The following KDM2A variants were observed in gnomAD, a reference collection of about 807,000 sequenced individuals.
KDM2A encodes lysine-specific demethylase 2A.
KDM2A carries 3 observed loss-of-function variants against 137.3 expected under a neutral mutation model. The observed-to-expected ratio is 0.02, with a 90% CI of 0.01 to 0.06. KDM2A has a LOEUF of 0.06. KDM2A is among the 10% of genes least tolerant of loss of function. The pLI is 1.00. For synonymous variants in KDM2A, 512 were observed against 541.5 expected (o/e 0.95, Z 0.76); for missense variants, 738 against 1,510.6 (o/e 0.49, Z 8.48).
chr11:67,249,948 C>G, intron 16 of KDM2A, 138 bp from the exon 17 acceptor site: 3 of 688,622 alleles, frequency 4.4e-6, no homozygotes, highest in South Asian at 4.0e-5. Flanking sequence ...CCTGGGCCGA[C>G]TCTGAGGGAA....
intron 2 of KDM2A, among the ~76,000 whole-genome samples, chr11:67,157,552 C>G (rs1718456153): frequency 6.6e-6 from 1 of 151,686 alleles, no homozygotes; most frequent in Non-Finnish European, 1.5e-5. Context: ...CAAGACCAGC[C>G]TGGCCAACAT....
At chr11:67,214,646 T>G (rs1387540483) in intron 6 of KDM2A, among the ~76,000 whole-genome samples, 1 of 152,126 alleles carries the variant, frequency 6.6e-6, no homozygotes, top group Non-Finnish European at 1.5e-5. Flanking sequence ...AACTATTTTT[T>G]TATTTTGAAG....
At chr11:67,211,118 A>G (rs960261125) in intron 6 of KDM2A, among the ~76,000 whole-genome samples, 1 of 152,092 alleles carries the variant, frequency 6.6e-6, no homozygotes, top group African/African-American at 2.4e-5. Context: ...TGCTGTTTCT[A>G]TTGGTAGAAT....
chr11:67,183,071 AG>A (rs998868799), intron 5 of KDM2A, among the ~76,000 whole-genome samples: 48 of 152,204 alleles, frequency 3.2e-4, no homozygotes, highest in Non-Finnish European at 1.5e-4. Flanking sequence ...TCCCAGGTAG[AG>A]GAAAGTTCCC....
At position 67,255,431 on chromosome 11, in the gene KDM2A, G is replaced by A. The variant is rs1294851156; in HGVS notation, c.*376G>A. 4.3e-6 allele frequency: 2 copies of A among 466,236 alleles called. No individual in the cohort carries two copies. Among genetic ancestry groups the A allele is most frequent in the East Asian group, 1.3e-4 (2 of 15,246 alleles). The allele number at this position is 466,236 out of a possible 1,614,324, so 28.9% of individuals were successfully genotyped here. On this transcript the variant is annotated 3_prime_UTR_variant, in exon 21 of 21. Coordinates refer to ENST00000529006, the MANE Select transcript of KDM2A (RefSeq NM_012308.3). ...CCATCCATGGTCCCCAGCAGTGCCT[G>A]GTTCTGAGCAAACTCCCAGGGAAGA...
At chr11:67,227,565 T>C (rs1319711309) in intron 10 of KDM2A, among the ~76,000 whole-genome samples, 1 of 152,102 alleles carries the variant, frequency 6.6e-6, no homozygotes, top group Non-Finnish European at 1.5e-5. Context: ...CTTCCTCAAG[T>C]ACCTTTTTTT....
intron 10 of KDM2A, among the ~76,000 whole-genome samples, chr11:67,223,369 T>A (rs1249344029): frequency 6.7e-6 from 1 of 148,612 alleles, no homozygotes; most frequent in Non-Finnish European, 1.5e-5. Flanking sequence ...GTATTTCATA[T>A]TTTCTTCCTT....
At chr11:67,207,911 G>C (rs926802821) in intron 6 of KDM2A, among the ~76,000 whole-genome samples, 1 of 152,044 alleles carries the variant, frequency 6.6e-6, no homozygotes, top group Admixed American at 6.6e-5. Flanking sequence ...CATGTCTGTA[G>C]TTCCAGCTAC....
At chr11:67,215,486 G>GC in intron 7 of KDM2A, 40 bp downstream of exon 7, 1 of 1,331,022 alleles carries the variant, frequency 7.5e-7, no homozygotes, top group Non-Finnish European at 1.1e-6. Flanking sequence ...TGTGCTGTGG[G>GC]AGACCAAAGC....
Position 67,153,848 on chromosome 11 carries a change from T to TG in KDM2A, c.43-26230dup, listed in dbSNP as rs943580881. 2.7e-3 allele frequency among the ~76,000 whole-genome samples: 412 copies of TG among 151,896 alleles called. 4 individuals are homozygous for TG. The highest frequency in any genetic ancestry group is 8.8e-3 in the African/African-American group (366 of 41,490). On this transcript the variant is annotated intron_variant, in intron 2 of 20. Transcript: ENST00000529006. Reference sequence around the variant, plus strand: ...AAAAAAAACACCAAAAACAACCAACTGTGTATATCTTGCACTGATAATCCC... The same window carrying TG: ...AAAAAAAACACCAAAAACAACCAACTGGTGTATATCTTGCACTGATAATCCC...
In KDM2A at chr11:67,180,236, C is replaced by G. The variant is rs1380221273; in HGVS notation, c.181+19C>G. On this transcript the variant is annotated intron_variant, in intron 3 of 20. Coordinates refer to ENST00000529006, the MANE Select transcript of KDM2A (RefSeq NM_012308.3). The stretch of plus-strand genomic sequence containing the variant: ...GGAAAAGGTCAGTATTGTTTTGGTT[C>G]CAGCTTACAGTCCTTTGATGTGGGA... The G allele has an allele frequency of 1.9e-6, 3 of 1,610,450 alleles. No homozygotes were observed. Among genetic ancestry groups the G allele is most frequent in the East Asian group, 4.5e-5 (2 of 44,788 alleles).
Position 67,254,521 on chromosome 11 carries a change from C to A in KDM2A, c.3307+103C>A. The A allele has an allele frequency of 1.1e-6, 1 of 945,352 alleles. No homozygotes were observed. The highest frequency in any genetic ancestry group is 1.7e-6 in the Non-Finnish European group (1 of 594,734). The allele number at this position is 945,352 out of a possible 1,614,324, so 58.6% of individuals were successfully genotyped here. On this transcript the variant is annotated intron_variant, in intron 20 of 20. Coordinates refer to ENST00000529006, the MANE Select transcript of KDM2A (RefSeq NM_012308.3). This position sits in a 1 kb window ranked among gnomAD's most constrained non-coding sequence, Gnocchi z 4.7. The stretch of plus-strand genomic sequence containing the variant: ...ATGACCTTGGGTCTGTTGATTGACC[C>A]ACATCAGCTCATTTCTTCACATCTG...
At chr11:67,213,742 G>C (rs1401379253) in intron 6 of KDM2A, among the ~76,000 whole-genome samples, 1 of 137,138 alleles carries the variant, frequency 7.3e-6, no homozygotes, top group Non-Finnish European at 1.5e-5. Flanking sequence ...CTGGGTGACA[G>C]AGCAGACCGT....
At chr11:67,162,449 G>T (rs1306816800) in intron 2 of KDM2A, among the ~76,000 whole-genome samples, 1 of 152,160 alleles carries the variant, frequency 6.6e-6, no homozygotes, top group Admixed American at 6.5e-5. Flanking sequence ...CTGTCACCCA[G>T]GCTGGAGTGC....
At chr11:67,219,265 G>T (rs1858264194) in intron 9 of KDM2A, 23 bp from the exon 10 acceptor site, 3 of 1,297,472 alleles carry the variant, frequency 2.3e-6, no homozygotes, top group Admixed American at 2.1e-5. Flanking sequence ...TTCAGCCACT[G>T]CCCTCTGTTC....
chr11:67,186,046 A>C (rs548279714), intron 5 of KDM2A, among the ~76,000 whole-genome samples: 2 of 152,276 alleles, frequency 1.3e-5, no homozygotes, highest in South Asian at 4.1e-4. Context: ...TAGAAGTACC[A>C]GAAGGAAAAT....
Position 67,245,532 on chromosome 11 carries a change from G to A in KDM2A, c.1833+74G>A. ...AAGGAACTGAAATACATATAGTGTA[G>A]AGTTAAAGAGACTTCAGAGTTGGAA... On this transcript the variant is annotated intron_variant, in intron 14 of 20. Transcript: ENST00000529006. This position sits in a 1 kb window ranked among gnomAD's most constrained non-coding sequence, Gnocchi z 4.1. The A allele has an allele frequency of 1.3e-6, 2 of 1,491,708 alleles. No individual in the cohort carries two copies. Among genetic ancestry groups the A allele is most frequent in the Admixed American group, 1.9e-5 (1 of 51,976 alleles). The allele number at this position is 1,491,708 out of a possible 1,614,324, so 92.4% of individuals were successfully genotyped here.
intron 12 of KDM2A, among the ~76,000 whole-genome samples, chr11:67,237,932 A>T (rs983906380): frequency 1.3e-5 from 2 of 152,088 alleles, no homozygotes; most frequent in Admixed American, 6.6e-5. Context: ...AAAAAAAAAA[A>T]TTTATATCCT....
chr11:67,141,693 A>G (rs917680667), intron 2 of KDM2A, among the ~76,000 whole-genome samples: 3 of 129,840 alleles, frequency 2.3e-5, no homozygotes, highest in African/African-American at 7.5e-5. Flanking sequence ...ATATATATAT[A>G]TATATATATA....
Sources: gnomAD v4.1 joint callset for allele counts (sites outside exome capture counted in the v4.1 genomes callset) on GRCh38, gnomAD v4.1.1 for gene constraint, Gnocchi (gnomAD v3.1) non-coding constraint, MANE v1.5 for transcripts, NCBI Gene and HGNC (gene_info 2026-07-23, HGNC 2026-07-21) for gene names.